SMYD3: variants seen among roughly 807,000 people sequenced by gnomAD.
SMYD3 encodes the protein SET and MYND domain containing 3.
SMYD3 carries 36 observed loss-of-function variants against 57.7 expected under a neutral mutation model. That is an observed-to-expected ratio of 0.62 (90% CI 0.48 to 0.82). The LOEUF (loss-of-function observed/expected upper bound fraction) is 0.82, where lower values mean the gene tolerates loss of function less well. Ranked by LOEUF, SMYD3 falls within the 40% of genes least tolerant of loss-of-function variation. SMYD3 has a pLI of 0.00. For synonymous variants in SMYD3, 211 were observed against 195.0 expected (o/e 1.08, Z -0.68); for missense variants, 515 against 538.8 (o/e 0.96, Z 0.44).
intron 1 of SMYD3, among the ~76,000 whole-genome samples, chr1:246,462,252 C>T (rs186126371): frequency 0.027 from 1,603 of 58,458 alleles, 22 homozygotes; most frequent in Non-Finnish European, 0.047. Context: ...CTGCTGGGTA[C>T]AGTGCATCCT....
chr1:245,855,314 T>C (rs2051183276), intron 10 of SMYD3, among the ~76,000 whole-genome samples: 1 of 105,014 alleles, frequency 9.5e-6, no homozygotes, highest in South Asian at 2.5e-4. Flanking sequence ...TCTCTCCGTT[T>C]TTAGGGGCTG....
At chr1:245,838,483 A>T (rs1374248710) in intron 10 of SMYD3, among the ~76,000 whole-genome samples, 4 of 152,248 alleles carry the variant, frequency 2.6e-5, no homozygotes, top group South Asian at 2.1e-4. Flanking sequence ...TGAGGTGCTC[A>T]ACTCTCTGAG....
intron 5 of SMYD3, among the ~76,000 whole-genome samples, chr1:246,071,981 T>C (rs373551972): frequency 0.012 from 1,331 of 108,236 alleles, 7 homozygotes; most frequent in East Asian, 0.061. Context: ...TTCGTGTGCT[T>C]TCCACTGTGC....
chr1:246,136,316 A>C (rs1474423461), intron 5 of SMYD3, among the ~76,000 whole-genome samples: 1 of 152,154 alleles, frequency 6.6e-6, no homozygotes, highest in Non-Finnish European at 1.5e-5. Context: ...ACCCACCCCC[A>C]ATTCCAAAAG....
intron 5 of SMYD3, among the ~76,000 whole-genome samples, chr1:246,296,865 T>C (rs1328768398): frequency 6.6e-6 from 1 of 152,178 alleles, no homozygotes; most frequent in African/African-American, 2.4e-5. Flanking sequence ...ACAGATAACA[T>C]ATTTTTGTTG....
chr1:245,870,411 A>G (rs146098770), intron 8 of SMYD3, among the ~76,000 whole-genome samples: 2 of 152,112 alleles, frequency 1.3e-5, no homozygotes, highest in Non-Finnish European at 2.9e-5. Context: ...GTCAAGGGTT[A>G]TTTGGGGAGT....
chr1:246,223,683 A>G (rs1277218761), intron 5 of SMYD3, among the ~76,000 whole-genome samples: 1 of 152,094 alleles, frequency 6.6e-6, no homozygotes, highest in Admixed American at 6.5e-5. Context: ...TATTGAAGGG[A>G]CACAAAGATT....
intron 10 of SMYD3, among the ~76,000 whole-genome samples, chr1:245,826,022 G>A (rs1295226720): frequency 2.2e-5 from 1 of 44,548 alleles, no homozygotes; most frequent in East Asian, 7.0e-4. Context: ...TGCTTTCTAT[G>A]TTGTATTTAA....
intron 7 of SMYD3, among the ~76,000 whole-genome samples, chr1:245,924,226 G>A (rs1264096696): frequency 1.3e-5 from 2 of 152,024 alleles, no homozygotes; most frequent in African/African-American, 2.4e-5. Flanking sequence ...TTTTGAAAAG[G>A]TAGCCATCAG....
At chr1:246,431,225 GA>G (rs1281515395) in intron 1 of SMYD3, among the ~76,000 whole-genome samples, 1 of 151,900 alleles carries the variant, frequency 6.6e-6, no homozygotes, top group African/African-American at 2.4e-5. Context: ...TCAAAAAAAA[GA>G]AAAAAACAAT....
intron 5 of SMYD3, among the ~76,000 whole-genome samples, chr1:245,939,125 AGAGC>A (rs1414682265): frequency 6.6e-6 from 1 of 151,992 alleles, no homozygotes; most frequent in African/African-American, 2.4e-5. Flanking sequence ...CCTCGGCGAC[AGAGC>A]GAGACTCCAT....
intron 5 of SMYD3, among the ~76,000 whole-genome samples, chr1:246,065,321 A>G (rs975944242): frequency 6.6e-6 from 1 of 152,220 alleles, no homozygotes; most frequent in Non-Finnish European, 1.5e-5. Flanking sequence ...AAAAGTGAGG[A>G]CAGATGCGCG....
At chr1:246,137,883 A>T (rs1449144449) in intron 5 of SMYD3, among the ~76,000 whole-genome samples, 1 of 152,094 alleles carries the variant, frequency 6.6e-6, no homozygotes, top group African/African-American at 2.4e-5. Flanking sequence ...GCTCTTTGGT[A>T]TTTGGGAGCA....
chr1:246,382,967 A>G (rs1446153076), intron 1 of SMYD3, among the ~76,000 whole-genome samples: 1 of 151,570 alleles, frequency 6.6e-6, no homozygotes. Context: ...CAGTCAACAG[A>G]CTCACCCAGT....
At chr1:245,954,279 G>T (rs908920337) in intron 5 of SMYD3, among the ~76,000 whole-genome samples, 3 of 152,156 alleles carry the variant, frequency 2.0e-5, no homozygotes, top group Non-Finnish European at 4.4e-5. Context: ...CTAGTTTCCT[G>T]AGTCAATATG....
chr1:246,000,854 A>G (rs1402733948), intron 5 of SMYD3, among the ~76,000 whole-genome samples: 1 of 152,238 alleles, frequency 6.6e-6, no homozygotes, highest in Non-Finnish European at 1.5e-5. Flanking sequence ...TATTTGCTAA[A>G]GCCACATCTT....
chr1:246,191,881 T>C (rs1473617719), intron 5 of SMYD3, among the ~76,000 whole-genome samples: 2 of 152,130 alleles, frequency 1.3e-5, no homozygotes, highest in African/African-American at 2.4e-5. Flanking sequence ...TGCAGTTGAG[T>C]CCCACCCAGT....
chr1:246,275,183 G>A (rs2064305282), intron 5 of SMYD3, among the ~76,000 whole-genome samples: 1 of 152,156 alleles, frequency 6.6e-6, no homozygotes, highest in Non-Finnish European at 1.5e-5. Flanking sequence ...TCTGTAAAGG[G>A]CAGCCTTCAC....
Position 245,793,123 on chromosome 1 carries a change from C to T in SMYD3, c.1077-28974G>A, listed in dbSNP as rs185786958. On this transcript the variant is annotated intron_variant, in intron 10 of 11. Coordinates refer to ENST00000490107, the MANE Select transcript of SMYD3 (RefSeq NM_001167740.2). ...AGGAGATCAAGACCATCCTGGCTAA[C>T]ACGGTGAAACCCCGTCTCTACTAAA... 1.1e-3 allele frequency among the ~76,000 whole-genome samples: 164 copies of T among 145,704 alleles called. 4 individuals are homozygous for T. The East Asian group carries it at 0.029, about 26-fold the overall frequency.
Sources: allele counts gnomAD v4.1 joint callset (sites outside exome capture counted in the v4.1 genomes callset), GRCh38; gene constraint gnomAD v4.1.1; transcripts MANE v1.5; gene names NCBI Gene and HGNC (gene_info 2026-07-23, HGNC 2026-07-21).